The following C1orf21 variants were observed in gnomAD, a reference collection of about 807,000 sequenced individuals.
The protein encoded by C1orf21 is uncharacterized protein C1orf21.
A neutral mutation model predicts 18.7 loss-of-function variants in C1orf21; 3 were observed. That is an observed-to-expected ratio of 0.16 (90% CI 0.07 to 0.42). C1orf21 has a LOEUF of 0.42. C1orf21 is among the 10% of genes least tolerant of loss of function. The pLI, the probability that C1orf21 is intolerant of heterozygous loss-of-function variation, is 0.99. For synonymous variants in C1orf21, 41 were observed against 46.4 expected, an observed-to-expected ratio of 0.88 and a Z score of 0.47; for missense variants, 104 against 143.6, an observed-to-expected ratio of 0.72 and a Z score of 1.41.
intron 3 of C1orf21, among the ~76,000 whole-genome samples, chr1:184,570,496 A>G (rs2101989669): frequency 6.6e-6 from 1 of 152,356 alleles, no homozygotes; most frequent in African/African-American, 2.4e-5. Flanking sequence ...ACAACTCTGG[A>G]AGATAATTTT....
intron 1 of C1orf21, among the ~76,000 whole-genome samples, chr1:184,436,527 G>A (rs1177451328): frequency 6.6e-6 from 1 of 151,832 alleles, no homozygotes; most frequent in Non-Finnish European, 1.5e-5. Context: ...GTTCTGCCCA[G>A]CCCCCAGGAG....
intron 1 of C1orf21, among the ~76,000 whole-genome samples, chr1:184,410,935 AGCC>A (rs1285420368): frequency 6.6e-6 from 1 of 151,436 alleles, no homozygotes; most frequent in African/African-American, 2.4e-5. Flanking sequence ...TACAGGGGTG[AGCC>A]ACCGCGCCTG....
intron 1 of C1orf21, among the ~76,000 whole-genome samples, chr1:184,443,685 C>T (rs995929340): frequency 6.6e-6 from 1 of 152,166 alleles, no homozygotes; most frequent in Admixed American, 6.5e-5. Flanking sequence ...CACATCTATC[C>T]TCCCTCAAGC....
At chr1:184,566,999 G>A (rs1659043744) in intron 3 of C1orf21, 5 of 525,678 alleles carry the variant, frequency 9.5e-6, no homozygotes, top group South Asian at 5.6e-5. Flanking sequence ...TCCAAAGACT[G>A]TGGAATATAA....
At chr1:184,463,492 A>AT (rs1452985784) in intron 1 of C1orf21, among the ~76,000 whole-genome samples, 3 of 152,072 alleles carry the variant, frequency 2.0e-5, no homozygotes, top group Non-Finnish European at 2.9e-5. Flanking sequence ...TAAAGCTTTT[A>AT]TTTTTTTACT....
At chr1:184,611,168 C>T (rs543939675) in intron 5 of C1orf21, among the ~76,000 whole-genome samples, 57 of 152,256 alleles carry the variant, frequency 3.7e-4, no homozygotes, top group African/African-American at 1.3e-3. Context: ...CCATTAATGC[C>T]TCGATTGATT....
chr1:184,445,637 C>T (rs1305700888), intron 1 of C1orf21, among the ~76,000 whole-genome samples: 1 of 151,966 alleles, frequency 6.6e-6, no homozygotes, highest in Non-Finnish European at 1.5e-5. Context: ...AAAATTTGTT[C>T]TTTTGAGGCA....
At chr1:184,587,397 T>C (rs946956443) in intron 3 of C1orf21, among the ~76,000 whole-genome samples, 2 of 151,380 alleles carry the variant, frequency 1.3e-5, no homozygotes, top group Non-Finnish European at 1.5e-5. Context: ...TTTTTAACAA[T>C]ATTGATTCTT....
intron 1 of C1orf21, among the ~76,000 whole-genome samples, chr1:184,428,772 G>C (rs899782803): frequency 6.6e-6 from 1 of 152,102 alleles, no homozygotes; most frequent in Non-Finnish European, 1.5e-5. Flanking sequence ...TGTGCCCCTG[G>C]TGGATAAAAT....
At chr1:184,431,199 C>G (rs12120928) in intron 1 of C1orf21, among the ~76,000 whole-genome samples, 1 of 152,012 alleles carries the variant, frequency 6.6e-6, no homozygotes, top group Non-Finnish European at 1.5e-5. Context: ...GAAGGCATCA[C>G]GCTACCTAAT....
intron 3 of C1orf21, among the ~76,000 whole-genome samples, chr1:184,558,325 C>A (rs986280895): frequency 6.6e-6 from 1 of 152,182 alleles, no homozygotes; most frequent in Non-Finnish European, 1.5e-5. Context: ...ATTTCTATGG[C>A]CCTGATTTGT....
At position 184,415,685 on chromosome 1, in the gene C1orf21, T is replaced by A. The variant is rs116575579; in HGVS notation, c.-125+28317T>A. On this transcript the variant is annotated intron_variant, in intron 1 of 5. Transcript: ENST00000235307. ...TCAATGAAGTTAGAAAGCCACCTCC[T>A]ATATTTTTAGGTATTAGTTACAGCA... Among the ~76,000 whole-genome samples the A allele has an allele frequency of 2.1e-3, 317 of 152,296 alleles. 3 individuals carry two copies. Among genetic ancestry groups the A allele is most frequent in the African/African-American group, 7.3e-3 (302 of 41,586 alleles).
rs1177591628 is a variant in C1orf21 at position 184,399,101 on chromosome 1, A to G, written c.-125+11733A>G. Among the ~76,000 whole-genome samples the G allele has an allele frequency of 4.6e-5, 7 of 152,234 alleles. 1 individual carries two copies. In the East Asian group the frequency reaches 1.2e-3, roughly 25 times the overall value. On this transcript the variant is annotated intron_variant, in intron 1 of 5. Coordinates refer to ENST00000235307, the MANE Select transcript of C1orf21 (RefSeq NM_030806.4). ...GATCCAAACAATTTCCACACCTGAG[A>G]GATGCATTTGTCTTATTTACAGGCT...
At chr1:184,445,909 T>C (rs1383024122) in intron 1 of C1orf21, among the ~76,000 whole-genome samples, 1 of 152,204 alleles carries the variant, frequency 6.6e-6, no homozygotes, top group Non-Finnish European at 1.5e-5. Context: ...ATTGGCTAAA[T>C]ATTTCCCTTG....
At chr1:184,452,128 C>A (rs1256444026) in intron 1 of C1orf21, among the ~76,000 whole-genome samples, 1 of 152,058 alleles carries the variant, frequency 6.6e-6, no homozygotes, top group East Asian at 1.9e-4. Context: ...TGTCCATGTG[C>A]AATGTAGAAG....
chr1:184,540,986 T>C (rs1186967009), intron 3 of C1orf21, among the ~76,000 whole-genome samples: 2 of 152,214 alleles, frequency 1.3e-5, no homozygotes, highest in Non-Finnish European at 2.9e-5. Flanking sequence ...ATGCTTCCTG[T>C]TTGCCATGTG....
intron 3 of C1orf21, chr1:184,566,870 A>G: frequency 2.0e-6 from 1 of 493,072 alleles, no homozygotes; most frequent in South Asian, 1.6e-5. Flanking sequence ...CAATGTGACA[A>G]CAGCTGCACC....
intron 1 of C1orf21, among the ~76,000 whole-genome samples, chr1:184,404,290 C>T (rs1332420622): frequency 6.6e-6 from 1 of 152,146 alleles, no homozygotes; most frequent in Non-Finnish European, 1.5e-5. Flanking sequence ...CAGTGGAGTC[C>T]TTAGTCCATT....
intron 2 of C1orf21, among the ~76,000 whole-genome samples, chr1:184,484,044 C>T (rs1657696530): frequency 6.6e-6 from 1 of 152,114 alleles, no homozygotes; most frequent in Admixed American, 6.5e-5. Context: ...TTGCCTCAGC[C>T]TCCCAAGTAG....
Sources: gnomAD v4.1 joint callset for allele counts (sites outside exome capture counted in the v4.1 genomes callset) on GRCh38, gnomAD v4.1.1 for gene constraint, MANE v1.5 for transcripts, NCBI Gene and HGNC (gene_info 2026-07-23, HGNC 2026-07-21) for gene names.